PDS5B: variants seen among roughly 807,000 people sequenced by gnomAD.
PDS5B encodes sister chromatid cohesion protein PDS5 homolog B.
Under a neutral mutation model 184.1 loss-of-function variants are expected in PDS5B, and 51 were observed. That is an observed-to-expected ratio of 0.28 (90% confidence interval 0.22 to 0.35). PDS5B has a LOEUF of 0.35. Among genes scored for constraint, PDS5B ranks in the 10% least tolerant of loss-of-function variants. The probability of loss-of-function intolerance (pLI) is 1.00; values close to 1 mark genes in which losing one functional copy is unlikely to be tolerated. For missense variants in PDS5B, 1,180 were observed against 1,723.3 expected, an observed-to-expected ratio of 0.68 and a Z score of 5.58; for synonymous variants, 566 against 569.2, an observed-to-expected ratio of 0.99 and a Z score of 0.08.
chr13:32,741,055 T>TG lies in PDS5B; in HGVS notation c.2407-25_2407-24insG, dbSNP rs1566397442. 2 of 1,306,504 alleles carry TG rather than the reference T, an allele frequency of 1.5e-6. 1 individual carries two copies. The highest frequency in any genetic ancestry group is 2.2e-6 in the Non-Finnish European group (2 of 920,956). 80.9% of individuals were successfully genotyped at this position (1,306,504 alleles called of 1,614,324 possible). A position where few individuals can be genotyped will look rare whatever the true frequency, so the allele number is the denominator to read the frequency against. On this transcript the variant is annotated intron_variant, in intron 21 of 34. Coordinates refer to ENST00000315596, the MANE Select transcript of PDS5B (RefSeq NM_015032.4). ...ATTTACATTTTAAAGTCCCTGGTTT[T>TG]TTTTTTTTTCTCGTTTATTTTTAGC...
At chr13:32,691,139 C>T (rs951834465) in intron 13 of PDS5B, 1 of 151,964 alleles carries the variant, frequency 6.6e-6, no homozygotes, top group Admixed American at 6.6e-5. Flanking sequence ...TAACCTCTAC[C>T]CTTGTTTCTT....
At chr13:32,717,908 C>T (rs548506220) in intron 19 of PDS5B, among the ~76,000 whole-genome samples, 2 of 145,916 alleles carry the variant, frequency 1.4e-5, no homozygotes, top group South Asian at 4.4e-4. Context: ...CACCCACCCC[C>T]CCAAAAAAAA....
At chr13:32,594,553 C>T (rs1183503644) in intron 1 of PDS5B, among the ~76,000 whole-genome samples, 3 of 152,106 alleles carry the variant, frequency 2.0e-5, no homozygotes, top group Non-Finnish European at 4.4e-5. Context: ...GGAGATTAGT[C>T]ATGTTACTCT....
intron 20 of PDS5B, among the ~76,000 whole-genome samples, chr13:32,733,985 A>AACACACACAC (rs148714647): frequency 0.06 from 8,518 of 141,958 alleles, 347 homozygotes; most frequent in East Asian, 0.18. Context: ...CAAAAATTAA[A>AACACACACAC]ACACACACAC....
At chr13:32,738,754 C>A (rs1292530746) in intron 21 of PDS5B, among the ~76,000 whole-genome samples, 1 of 152,110 alleles carries the variant, frequency 6.6e-6, no homozygotes, top group African/African-American at 2.4e-5. Flanking sequence ...TCCCTGCAAC[C>A]TCCACTTCCC....
chr13:32,656,210 C>G (rs1052608141), intron 3 of PDS5B, among the ~76,000 whole-genome samples: 3 of 146,248 alleles, frequency 2.1e-5, no homozygotes, highest in Admixed American at 6.9e-5. Flanking sequence ...CAGTACCATG[C>G]TGTTTTGGTT....
At chr13:32,642,229 G>A (rs914072480) in intron 1 of PDS5B, among the ~76,000 whole-genome samples, 3 of 151,894 alleles carry the variant, frequency 2.0e-5, no homozygotes, top group African/African-American at 7.3e-5. Flanking sequence ...TAATTTCTTC[G>A]AATAGTTCTG....
At chr13:32,731,299 G>A (rs757496847) in intron 19 of PDS5B, among the ~76,000 whole-genome samples, 6 of 152,132 alleles carry the variant, frequency 3.9e-5, no homozygotes, top group Non-Finnish European at 7.4e-5. Flanking sequence ...TTGTATAATA[G>A]TTTAAGAGCT....
intron 1 of PDS5B, among the ~76,000 whole-genome samples, chr13:32,603,021 A>G (rs962812402): frequency 1.3e-5 from 2 of 152,148 alleles, no homozygotes; most frequent in Admixed American, 6.5e-5. Flanking sequence ...TAGATTGTAA[A>G]AACTTTCTCC....
At chr13:32,772,320 CAG>C (rs1954816256) in intron 33 of PDS5B, among the ~76,000 whole-genome samples, 1 of 152,090 alleles carries the variant, frequency 6.6e-6, no homozygotes, top group African/African-American at 2.4e-5. Flanking sequence ...TCCTGTGTTT[CAG>C]AGAGTACTAG....
At chr13:32,607,201 C>T (rs1002972764) in intron 1 of PDS5B, among the ~76,000 whole-genome samples, 5 of 152,094 alleles carry the variant, frequency 3.3e-5, no homozygotes, top group Admixed American at 3.3e-4. Flanking sequence ...TTTTATCTAC[C>T]TTTGGTCTTT....
chr13:32,640,099 A>G (rs948521489), intron 1 of PDS5B, among the ~76,000 whole-genome samples: 9 of 152,200 alleles, frequency 5.9e-5, no homozygotes, highest in Non-Finnish European at 1.0e-4. Context: ...AGTTACATCT[A>G]TGAACATTTA....
chr13:32,634,364 C>T (rs1480879628), intron 1 of PDS5B, among the ~76,000 whole-genome samples: 1 of 149,210 alleles, frequency 6.7e-6, no homozygotes, highest in African/African-American at 2.5e-5. Context: ...CTAGTTGATT[C>T]ACTTTTGTTT....
In PDS5B at chr13:32,753,261, A is replaced by T; in HGVS notation, c.2737-71A>T. The T allele has an allele frequency of 2.3e-6, 3 of 1,305,262 alleles. No homozygotes were observed. The East Asian group carries it at 7.0e-5, about 30-fold the overall frequency. The allele number at this position is 1,305,262 out of a possible 1,614,324, so 80.9% of individuals were successfully genotyped here. On this transcript the variant is annotated intron_variant, in intron 24 of 34. Transcript: ENST00000315596. ...CTGTTTACTCTTTACTTAAAATAGC[A>T]AATTTTATATCTGAAGTTGTTACTC...
At chr13:32,718,111 G>T (rs1295641643) in intron 19 of PDS5B, among the ~76,000 whole-genome samples, 2 of 151,946 alleles carry the variant, frequency 1.3e-5, no homozygotes, top group East Asian at 1.9e-4. Context: ...AGGGAAAAGG[G>T]TATACAATAG....
chr13:32,713,649 A>G (rs1423566210), intron 19 of PDS5B, among the ~76,000 whole-genome samples: 1 of 152,212 alleles, frequency 6.6e-6, no homozygotes, highest in African/African-American at 2.4e-5. Flanking sequence ...ATTGGAGAGA[A>G]AAAATGGAGT....
At chr13:32,667,183 C>G (rs1950820905) in intron 6 of PDS5B, among the ~76,000 whole-genome samples, 1 of 152,072 alleles carries the variant, frequency 6.6e-6, no homozygotes, top group African/African-American at 2.4e-5. Context: ...GTATCATTAT[C>G]AAAGTCTCTT....
chr13:32,649,131 T>C, intron 2 of PDS5B: 1 of 361,298 alleles, frequency 2.8e-6, no homozygotes, highest in Admixed American at 4.6e-5. Context: ...AAAGAACAAG[T>C]CTACAATACT....
intron 1 of PDS5B, among the ~76,000 whole-genome samples, chr13:32,588,386 C>T (rs1376044759): frequency 6.6e-6 from 1 of 152,166 alleles, no homozygotes. Flanking sequence ...ACTTAATATA[C>T]ATTTACAAAT....
Sources: gnomAD v4.1 joint callset for allele counts (sites outside exome capture counted in the v4.1 genomes callset) on GRCh38, gnomAD v4.1.1 for gene constraint, MANE v1.5 for transcripts, NCBI Gene and HGNC (gene_info 2026-07-23, HGNC 2026-07-21) for gene names.